Variants in KSR1 observed in about 807,000 individuals in gnomAD.
KSR1 encodes the protein kinase suppressor of ras 1.
In KSR1, 35 loss-of-function variants were observed where a neutral mutation model predicts 92.9. The ratio of observed to expected loss-of-function variants is 0.38; its 90% CI spans 0.29 to 0.50. KSR1 has a LOEUF of 0.50. KSR1 is among the 20% of genes least tolerant of loss of function. KSR1 has a pLI of 0.94. For synonymous variants in KSR1, 467 were observed against 472.6 expected, an observed-to-expected ratio of 0.99 and a Z score of 0.15; for missense variants, 972 against 1,158.5, an observed-to-expected ratio of 0.84 and a Z score of 2.34.
At chr17:27,531,300 G>T (rs1166699250) in intron 1 of KSR1, among the ~76,000 whole-genome samples, 2 of 152,282 alleles carry the variant, frequency 1.3e-5, no homozygotes, top group African/African-American at 4.8e-5. Context: ...CTGGGTCATG[G>T]CCTTGGCACT....
intron 1 of KSR1, among the ~76,000 whole-genome samples, chr17:27,495,583 C>T (rs2068958160): frequency 6.6e-6 from 1 of 152,192 alleles, no homozygotes; most frequent in Non-Finnish European, 1.5e-5. Context: ...TTTCTCGTGT[C>T]CCTTCCAGCT....
At position 27,552,770 on chromosome 17, in the gene KSR1, G is replaced by A. The variant is rs986307284; in HGVS notation, c.372+2062G>A. Among the ~76,000 whole-genome samples, 3 of 152,308 alleles carry A rather than the reference G, an allele frequency of 2.0e-5. No individual in the cohort carries two copies. The South Asian group carries it at 6.2e-4, about 32-fold the overall frequency. ...AGCAGCCCTTTCCTGGGAGGCCTCT[G>A]CTATCTGGTTATTGAGCTGCACTGG... On this transcript the variant is annotated intron_variant, in intron 2 of 20. Transcript: ENST00000644974.
intron 1 of KSR1, among the ~76,000 whole-genome samples, chr17:27,458,781 GGAATTTA>G (rs1316430896): frequency 6.6e-6 from 1 of 151,994 alleles, no homozygotes; most frequent in Non-Finnish European, 1.5e-5. Flanking sequence ...TTGGGGGATG[GGAATTTA>G]GACCCCTGGA....
chr17:27,616,507 C>CA (rs1224361250), intron 18 of KSR1, among the ~76,000 whole-genome samples: 1 of 152,182 alleles, frequency 6.6e-6, no homozygotes, highest in African/African-American at 2.4e-5. Flanking sequence ...CACACACACA[C>CA]ATGTACACCC....
At chr17:27,621,839 G>A in intron 20 of KSR1, 2 of 1,321,044 alleles carry the variant, frequency 1.5e-6, no homozygotes, top group Non-Finnish European at 1.1e-6. Context: ...CTGCCCAGCT[G>A]CTCTGGCCAG....
chr17:27,531,160 C>T (rs1031426867), intron 1 of KSR1, among the ~76,000 whole-genome samples: 7 of 152,228 alleles, frequency 4.6e-5, no homozygotes, highest in Admixed American at 2.0e-4. Context: ...GTGCCCTATT[C>T]GCCTCTCGGT....
intron 19 of KSR1, among the ~76,000 whole-genome samples, chr17:27,619,285 A>G (rs1161240603): frequency 6.6e-6 from 1 of 152,190 alleles, no homozygotes; most frequent in Non-Finnish European, 1.5e-5. Flanking sequence ...TGCAGGTGGC[A>G]CAGTCTCTGT....
rs996605255 is a variant in KSR1 at position 27,579,730 on chromosome 17, G to A, written c.520+2091G>A. 3 of 151,660 alleles carry A rather than the reference G, an allele frequency of 2.0e-5. No individual in the cohort carries two copies. In the East Asian group the frequency reaches 5.8e-4, roughly 29 times the overall value. 9.4% of individuals were successfully genotyped at this position (151,660 alleles called of 1,614,324 possible). ...GTTTCTACAAAAAATACAAAAATTA[G>A]CCAAGAGTGGTTGTGTGTGCCTGTA... On this transcript the variant is annotated intron_variant, in intron 3 of 20. Coordinates refer to ENST00000644974, the MANE Select transcript of KSR1 (RefSeq NM_001394583.1).
chr17:27,480,607 A>G (rs116018396), intron 1 of KSR1, among the ~76,000 whole-genome samples: 3,836 of 152,272 alleles, frequency 0.025, 170 homozygotes, highest in African/African-American at 0.088. Flanking sequence ...CATGTTGGCC[A>G]GACTGGTTCT....
At chr17:27,609,147 C>A in intron 15 of KSR1, 49 bp from the exon 16 acceptor site, 1 of 1,578,752 alleles carries the variant, frequency 6.3e-7, no homozygotes, top group South Asian at 1.1e-5. Context: ...CCCAGGGTGG[C>A]ACCTCCGTCA....
At chr17:27,612,770 C>G (rs1164195549) in intron 18 of KSR1, 2 of 152,246 alleles carry the variant, frequency 1.3e-5, no homozygotes, top group Admixed American at 1.3e-4. Flanking sequence ...AGAGGGACCA[C>G]CCAGCACTTG....
chr17:27,519,740 T>C (rs1028726093), intron 1 of KSR1, among the ~76,000 whole-genome samples: 1 of 152,240 alleles, frequency 6.6e-6, no homozygotes, highest in Non-Finnish European at 1.5e-5. Context: ...AGCTGTATGA[T>C]TATTTAGGCT....
chr17:27,479,187 CCTCT>C (rs2068438957), intron 1 of KSR1, among the ~76,000 whole-genome samples: 1 of 151,092 alleles, frequency 6.6e-6, no homozygotes, highest in Non-Finnish European at 1.5e-5. Flanking sequence ...CACTTCCCTC[CCTCT>C]ATGCTCCTCC....
At chr17:27,587,971 C>G (rs1453736128) in intron 5 of KSR1, among the ~76,000 whole-genome samples, 1 of 152,192 alleles carries the variant, frequency 6.6e-6, no homozygotes, top group Non-Finnish European at 1.5e-5. Context: ...GTGGCCTCTC[C>G]CAGAGGAATA....
intron 19 of KSR1, 69 bp downstream of exon 19, chr17:27,617,497 C>T (rs2074096746): frequency 5.2e-6 from 8 of 1,535,160 alleles, no homozygotes; most frequent in South Asian, 2.4e-5. Context: ...TCTTAGAGGG[C>T]ACCTTCTGAT....
intron 12 of KSR1, 130 bp from the exon 13 acceptor site, chr17:27,604,550 C>A: frequency 1.2e-6 from 1 of 854,308 alleles, no homozygotes; most frequent in Non-Finnish European, 1.9e-6. Context: ...GCTATCCACG[C>A]GGCCTTTCCC....
chr17:27,599,253 A>C (rs111947533), intron 10 of KSR1, among the ~76,000 whole-genome samples: 79 of 152,348 alleles, frequency 5.2e-4, no homozygotes, highest in African/African-American at 1.9e-3. Context: ...CAGTAAATAT[A>C]CAGCATAAAA....
At position 27,577,055 on chromosome 17, in the gene KSR1, T is replaced by G. The variant is rs1009546104; in HGVS notation, c.373-437T>G. ...GTTTGGTGAGGTTTTTTTGTTTTTT[T>G]TTTTTAAATCCTTCCTTTCTTGAGC... is the stretch of plus-strand genomic sequence containing the variant. On this transcript the variant is annotated intron_variant, in intron 2 of 20. Transcript: ENST00000644974. This position sits in a 1 kb window ranked among gnomAD's most constrained non-coding sequence, Gnocchi z 4.5. Among the ~76,000 whole-genome samples the G allele has an allele frequency of 6.6e-6, 1 of 151,814 alleles. No individual in the cohort carries two copies. The highest frequency in any genetic ancestry group is 2.4e-5 in the African/African-American group (1 of 41,318).
chr17:27,549,876 T>C (rs2071329265), intron 1 of KSR1, among the ~76,000 whole-genome samples: 1 of 152,176 alleles, frequency 6.6e-6, no homozygotes, highest in Non-Finnish European at 1.5e-5. Context: ...TTAAGTAACT[T>C]GTCCAAGGTC....
Sources: gnomAD v4.1 joint callset for allele counts (sites outside exome capture counted in the v4.1 genomes callset) on GRCh38, gnomAD v4.1.1 for gene constraint, Gnocchi (gnomAD v3.1) non-coding constraint, MANE v1.5 for transcripts, NCBI Gene and HGNC (gene_info 2026-07-23, HGNC 2026-07-21) for gene names.